The following AGO4 variants were observed in gnomAD, a reference collection of about 807,000 sequenced individuals.
The protein encoded by AGO4 is protein argonaute-4.
A neutral mutation model predicts 104.7 loss-of-function variants in AGO4; 33 were observed. The observed-to-expected ratio is 0.32, with a 90% confidence interval of 0.24 to 0.42. The LOEUF (loss-of-function observed/expected upper bound fraction) is 0.42. Among genes scored for constraint, AGO4 ranks in the 10% least tolerant of loss-of-function variants. The pLI, the probability that AGO4 is intolerant of heterozygous loss-of-function variation, is 1.00. For missense variants in AGO4, 711 were observed against 1,083.4 expected (o/e 0.66, Z 4.83); for synonymous variants, 331 against 364.7 (o/e 0.91, Z 1.05).
chr1:35,825,339 C>T lies in AGO4; in HGVS notation c.333C>T (p.Gly111=), dbSNP rs372941854. 2.5e-5 allele frequency: 40 copies of T among 1,613,730 alleles called. No homozygotes were observed. Among genetic ancestry groups the T allele is most frequent in the South Asian group, 4.4e-5 (4 of 91,040 alleles). ...TTGATATGGAGGTGACTCTTCCAGG[C>T]GAGGGTAAAGACCAAACATTTAAAG... The part of the protein sequence containing the change: ...DRVDMEVTLP[G]EGKDQTFKVS... The change falls in exon 4 of 18, where the codon GGC becomes GGT. Residue 111 remains glycine, a synonymous_variant. Coordinates refer to ENST00000373210, the MANE Select transcript of AGO4 (RefSeq NM_017629.4).
rs796301808 is a variant in AGO4 at position 35,820,669 on chromosome 1, AT to A, written c.186-2182del. Among the ~76,000 whole-genome samples the A allele has an allele frequency of 6.8e-3, 1,005 of 147,488 alleles. 7 individuals carry two copies. The highest frequency in any genetic ancestry group is 0.023 in the African/African-American group (920 of 40,368). On this transcript the variant is annotated intron_variant, in intron 2 of 17. Coordinates refer to ENST00000373210, the MANE Select transcript of AGO4 (RefSeq NM_017629.4). The stretch of plus-strand genomic sequence containing the variant: ...ACCCCGCCTGGCCCAAGAAAGTTTG[AT>A]TTTTTTTTTTAGGATGAGAGAAATT...
At position 35,816,864 on chromosome 1, in the gene AGO4, G is replaced by A. The variant is rs191326712; in HGVS notation, c.20-18G>A. The stretch of plus-strand genomic sequence containing the variant: ...AGAAAAAAAAAATAGCACAGCAAAT[G>A]TCTTTCAATCTCTTTAGGACCTCCG... On this transcript the variant is annotated intron_variant, in intron 1 of 17. Transcript: ENST00000373210. 1 of 1,506,620 alleles carries A rather than the reference G, an allele frequency of 6.6e-7. No homozygotes were observed. Among genetic ancestry groups the A allele is most frequent in the Non-Finnish European group, 8.9e-7 (1 of 1,119,738 alleles). 93.3% of individuals were successfully genotyped at this position (1,506,620 alleles called of 1,614,324 possible).
At position 35,832,173 on chromosome 1, in the gene AGO4, A is replaced by G. The variant is rs769483470; in HGVS notation, c.1233A>G (p.Gln411=). 3.1e-6 allele frequency: 5 copies of G among 1,612,992 alleles called. No homozygotes were observed. The African/African-American group carries it at 5.3e-5, about 17-fold the overall frequency. The stretch of plus-strand genomic sequence containing the variant: ...GGGTACTTCCAGCACCAATGCTGCA[A>G]TATGGAGGCCGGGTAAGCTTTTTAT... ...TGRVLPAPML[Q]YGGRNKTVAT... Residue 411 remains glutamine (Q), a synonymous_variant, in exon 10 of 18, where the codon CAA becomes CAG. Coordinates refer to ENST00000373210, the MANE Select transcript of AGO4 (RefSeq NM_017629.4).
chr1:35,831,942 C>T lies in AGO4; in HGVS notation c.1116+11C>T, dbSNP rs749664274. 6.2e-7 allele frequency: 1 copy of T among 1,613,008 alleles called. No individual in the cohort carries two copies. Among genetic ancestry groups the T allele is most frequent in the Non-Finnish European group, 8.5e-7 (1 of 1,179,696 alleles). On this transcript the variant is annotated intron_variant, in intron 9 of 17. Coordinates refer to ENST00000373210, the MANE Select transcript of AGO4 (RefSeq NM_017629.4). ...GAGATCAGTAGACTGGTCAGTAAGG[C>T]ATGGTCTTCAAGATGAGCTAGCTTT...
chr1:35,819,586 G>A lies in AGO4; in HGVS notation c.185+2539G>A, dbSNP rs150250152. On this transcript the variant is annotated intron_variant, in intron 2 of 17. Transcript: ENST00000373210. ...CTACTAATGATACAAAAATTAGCTG[G>A]TCATGGTATGGTGGTGTGTGCCTGT... is the stretch of plus-strand genomic sequence containing the variant. Among the ~76,000 whole-genome samples, 124 of 151,816 alleles carry A rather than the reference G, an allele frequency of 8.2e-4. 5 individuals carry two copies. Among genetic ancestry groups the A allele is most frequent in the Non-Finnish European group, 7.2e-4 (49 of 67,888 alleles).
intron 6 of AGO4, 135 bp from the exon 7 acceptor site, chr1:35,826,613 A>T: frequency 1.3e-6 from 1 of 776,864 alleles, no homozygotes; most frequent in Non-Finnish European, 2.2e-6. Context: ...TTTGCCTATA[A>T]CGATGAAATT....
At chr1:35,833,000 G>A (rs1380813211) in intron 11 of AGO4, among the ~76,000 whole-genome samples, 1 of 152,164 alleles carries the variant, frequency 6.6e-6, no homozygotes, top group African/African-American at 2.4e-5. Context: ...GAAGTTAGTG[G>A]CCAGGCTCAG....
intron 1 of AGO4, among the ~76,000 whole-genome samples, chr1:35,814,099 GAA>G (rs1643609513): frequency 6.8e-6 from 1 of 147,972 alleles, no homozygotes; most frequent in Non-Finnish European, 1.5e-5. Flanking sequence ...GAGAGAAAGA[GAA>G]AGAAGAGAGA....
intron 1 of AGO4, among the ~76,000 whole-genome samples, chr1:35,814,926 G>A (rs980912452): frequency 5.3e-5 from 8 of 152,116 alleles, no homozygotes; most frequent in Admixed American, 4.6e-4. Context: ...CGCCCAGGCT[G>A]GAGTGCAGTG....
rs572009739 is a variant in AGO4, at chr1:35,819,115, G to A, written c.185+2068G>A. On this transcript the variant is annotated intron_variant, in intron 2 of 17. Coordinates refer to ENST00000373210, the MANE Select transcript of AGO4 (RefSeq NM_017629.4). Reference sequence around the variant, plus strand: ...ACTACTGTCAATAAGATTTACTGATGGATTGAACATGTGGTGTGAAAGAAA... The same window carrying A: ...ACTACTGTCAATAAGATTTACTGATAGATTGAACATGTGGTGTGAAAGAAA... Among the ~76,000 whole-genome samples, 125 of 152,170 alleles carry A rather than the reference G, an allele frequency of 8.2e-4. 1 individual carries two copies. The highest frequency in any genetic ancestry group is 3.0e-3 in the African/African-American group (123 of 41,510).
chr1:35,853,643 A>G lies in AGO4; in HGVS notation c.*38A>G, dbSNP rs1644758266. On this transcript the variant is annotated 3_prime_UTR_variant, in exon 18 of 18. Transcript: ENST00000373210. ...AAGAACTCAACCAATTTGGCACCCC[A>G]TGCAGCCTCAAAATGTTTCAAATGC... 1.9e-6 allele frequency: 3 copies of G among 1,584,626 alleles called. No individual in the cohort carries two copies. Among genetic ancestry groups the G allele is most frequent in the African/African-American group, 2.7e-5 (2 of 74,160 alleles).
chr1:35,849,965 TGTGAAAATACTATAGGTTA>T (rs1238481204), intron 15 of AGO4, among the ~76,000 whole-genome samples, 173 bp from the exon 16 acceptor site: 1 of 152,180 alleles, frequency 6.6e-6, no homozygotes, highest in Non-Finnish European at 1.5e-5. Flanking sequence ...CATATTTGTT[TGTGAAAATACTATAGGTTA>T]AAATGGTTGG....
At position 35,853,648 on chromosome 1, in the gene AGO4, G is replaced by A. The variant is rs753800535; in HGVS notation, c.*43G>A. On this transcript the variant is annotated 3_prime_UTR_variant, in exon 18 of 18. Coordinates refer to ENST00000373210, the MANE Select transcript of AGO4 (RefSeq NM_017629.4). Reference sequence around the variant, plus strand: ...CTCAACCAATTTGGCACCCCATGCAGCCTCAAAATGTTTCAAATGCCTACC... The same window carrying A: ...CTCAACCAATTTGGCACCCCATGCAACCTCAAAATGTTTCAAATGCCTACC... 2 of 1,569,726 alleles carry A rather than the reference G, an allele frequency of 1.3e-6. No homozygotes were observed. The highest frequency in any genetic ancestry group is 2.2e-5 in the East Asian group (1 of 44,564).
At chr1:35,836,472 C>T (rs1644315947) in intron 13 of AGO4, among the ~76,000 whole-genome samples, 1 of 152,204 alleles carries the variant, frequency 6.6e-6, no homozygotes, top group African/African-American at 2.4e-5. Flanking sequence ...TGCAGTGATG[C>T]GATCTCGGCT....
In AGO4 at chr1:35,841,078, C is replaced by G; in HGVS notation, c.1725-87C>G. On this transcript the variant is annotated intron_variant, in intron 13 of 17. Coordinates refer to ENST00000373210, the MANE Select transcript of AGO4 (RefSeq NM_017629.4). The surrounding 1 kb of genome is among the most constrained non-coding windows in gnomAD (Gnocchi z 4.7). ...TTTGTTCTCTCTTATAAGGTTATAT[C>G]TGATTATATCTGGTGATATAATCTT... The G allele has an allele frequency of 7.3e-7, 1 of 1,369,040 alleles. No homozygotes were observed. Among genetic ancestry groups the G allele is most frequent in the South Asian group, 1.3e-5 (1 of 75,730 alleles). The allele number at this position is 1,369,040 out of a possible 1,614,324, so 84.8% of individuals were successfully genotyped here. A position where few individuals can be genotyped will look rare whatever the true frequency, so the allele number is the denominator to read the frequency against.
In AGO4 at chr1:35,825,710, C is replaced by A. The variant is rs750905495; in HGVS notation, c.520C>A (p.Pro174Thr). 8 of 1,575,926 alleles carry A rather than the reference C, an allele frequency of 5.1e-6. No individual in the cohort carries two copies. Among genetic ancestry groups the A allele is most frequent in the African/African-American group, 1.4e-5 (1 of 73,022 alleles). The change falls in exon 5 of 18, where the codon CCC becomes ACC. Residue 174 changes from proline to threonine, a missense_variant. By Grantham distance (38) the Pro-to-Thr change is conservative (BLOSUM62 -1). Around this residue, in one of 3 missense-constraint regions of AGO4, gnomAD observed 308 missense variants for 397.8 expected, o/e 0.77. Coordinates refer to ENST00000373210, the MANE Select transcript of AGO4 (RefSeq NM_017629.4). ...CCCAGTGGGCCGTTCCTTTTTCTCA[C>A]CCCCGGAAGGTTACTACCACCCTCT... ...YTPVGRSFFSPPEGYYHPLGG... is the reference protein window; with the variant it reads ...YTPVGRSFFSTPEGYYHPLGG...
chr1:35,851,763 T>A (rs1383616869), intron 17 of AGO4, among the ~76,000 whole-genome samples: 1 of 152,226 alleles, frequency 6.6e-6, no homozygotes, highest in Non-Finnish European at 1.5e-5. Flanking sequence ...CAACTGTGGC[T>A]TTGTACCTTC....
intron 7 of AGO4, among the ~76,000 whole-genome samples, chr1:35,829,359 T>C (rs1644120185): frequency 6.6e-6 from 1 of 151,950 alleles, no homozygotes; most frequent in African/African-American, 2.4e-5. Flanking sequence ...CTGTTGAGAA[T>C]TGTAGCATTT....
At chr1:35,816,818 AAAAG>A (rs1345017928) in intron 1 of AGO4, 60 bp from the exon 2 acceptor site, 118 of 1,419,590 alleles carry the variant, frequency 8.3e-5, no homozygotes, top group African/African-American at 1.8e-4. Context: ...AAAAAAAAAA[AAAAG>A]AAAGAAAGAA....
Sources: gnomAD v4.1 joint callset for allele counts (sites outside exome capture counted in the v4.1 genomes callset) on GRCh38, gnomAD v4.1.1 for gene constraint, gnomAD v4.1.1 regional missense constraint, Gnocchi (gnomAD v3.1) non-coding constraint, MANE v1.5 for transcripts, NCBI Gene and HGNC (gene_info 2026-07-23, HGNC 2026-07-21) for gene names.